Variants in CCDC77 observed in about 807,000 individuals in gnomAD.
CCDC77 encodes coiled-coil domain containing 77.
Under a neutral mutation model 66.8 loss-of-function variants are expected in CCDC77, and 56 were observed. That is an observed-to-expected ratio of 0.84 (90% confidence interval 0.68 to 1.05). CCDC77 has a LOEUF of 1.05. CCDC77 is among the 50% of genes least tolerant of loss of function. The pLI is 0.00. For missense variants in CCDC77, 570 were observed against 576.8 expected, an observed-to-expected ratio of 0.99 and a Z score of 0.12; for synonymous variants, 196 against 195.2, an observed-to-expected ratio of 1.00 and a Z score of -0.03.
chr12:417,741 C>G (rs896417088), intron 4 of CCDC77, among the ~76,000 whole-genome samples: 2 of 152,038 alleles, frequency 1.3e-5, no homozygotes, highest in Non-Finnish European at 2.9e-5. Context: ...TGGTGAAACC[C>G]CGTCTCTACT....
At chr12:435,592 G>C (rs1436155748) in intron 9 of CCDC77, among the ~76,000 whole-genome samples, 1 of 152,216 alleles carries the variant, frequency 6.6e-6, no homozygotes, top group Non-Finnish European at 1.5e-5. Flanking sequence ...GTGTTAACTT[G>C]TCAGAACTCC....
intron 3 of CCDC77, among the ~76,000 whole-genome samples, chr12:410,634 C>T (rs1008362421): frequency 2.0e-5 from 3 of 149,076 alleles, no homozygotes; most frequent in African/African-American, 7.5e-5. Flanking sequence ...TTGAACCTGC[C>T]TCCTGCGTTC....
At chr12:398,295 G>A (rs545846647), upstream of CCDC77, among the ~76,000 whole-genome samples, 1 of 152,264 alleles carries the variant, frequency 6.6e-6, no homozygotes, top group South Asian at 2.1e-4. Flanking sequence ...TAAACCCTTT[G>A]TTGTCATTTT....
chr12:422,259 T>A (rs1945413052), intron 5 of CCDC77, among the ~76,000 whole-genome samples: 1 of 151,432 alleles, frequency 6.6e-6, no homozygotes, highest in South Asian at 2.1e-4. Context: ...GTGCTGGGAG[T>A]GAGAGGGTAA....
chr12:405,976 T>C (rs956815326), intron 2 of CCDC77, among the ~76,000 whole-genome samples: 1 of 150,454 alleles, frequency 6.6e-6, no homozygotes, highest in Non-Finnish European at 1.5e-5. Context: ...TGGACTGCAA[T>C]GGCGTGATCA....
intron 1 of CCDC77, among the ~76,000 whole-genome samples, chr12:394,952 G>A (rs529947147): frequency 6.6e-6 from 1 of 152,302 alleles, no homozygotes; most frequent in Admixed American, 6.5e-5. Context: ...AGAAAGGGAA[G>A]ACAAAAGAAT....
At chr12:425,501 C>T (rs1336653470) in intron 5 of CCDC77, among the ~76,000 whole-genome samples, 1 of 151,926 alleles carries the variant, frequency 6.6e-6, no homozygotes, top group Admixed American at 6.6e-5. Flanking sequence ...ACACCGAAAG[C>T]TCGCCTTCCA....
chr12:430,578 A>G (rs1404128240), intron 6 of CCDC77, 86 bp from the exon 7 acceptor site: 11 of 937,560 alleles, frequency 1.2e-5, no homozygotes, highest in Non-Finnish European at 1.8e-5. Flanking sequence ...TTTAACTTCT[A>G]GTGTTCAATC....
Position 442,148 on chromosome 12 carries a change from T to G in CCDC77, c.*228T>G. 1 of 484,524 alleles carries G rather than the reference T, an allele frequency of 2.1e-6. No individual in the cohort carries two copies. The highest frequency in any genetic ancestry group is 3.4e-5 in the East Asian group (1 of 29,102). 30.0% of individuals were successfully genotyped at this position (484,524 alleles called of 1,614,324 possible). A position where few individuals can be genotyped will look rare whatever the true frequency, so the allele number is the denominator to read the frequency against. On this transcript the variant is annotated 3_prime_UTR_variant, in exon 13 of 13. Coordinates refer to ENST00000239830, the MANE Select transcript of CCDC77 (RefSeq NM_032358.4). ...TTAACACTTGCGAGGAGTAGGGGCC[T>G]GGTCCTGAATGACTTGGAGGCTTTC...
chr12:418,756 G>C, intron 5 of CCDC77, 120 bp downstream of exon 5: 1 of 1,121,032 alleles, frequency 8.9e-7, no homozygotes, highest in East Asian at 2.5e-5. Flanking sequence ...CTGGAGTACA[G>C]TGGCGCTCTC....
chr12:393,676 C>T (rs1439622470), intron 1 of CCDC77, among the ~76,000 whole-genome samples: 1 of 152,092 alleles, frequency 6.6e-6, no homozygotes, highest in Admixed American at 6.6e-5. Flanking sequence ...CGATTACAGG[C>T]ACCCACCACC....
At chr12:402,308 A>G (rs1243032310) in intron 1 of CCDC77, among the ~76,000 whole-genome samples, 1 of 152,216 alleles carries the variant, frequency 6.6e-6, no homozygotes. Flanking sequence ...CGATAGCAAT[A>G]AAGCACTCTA....
chr12:409,335 G>T, intron 2 of CCDC77, 33 bp from the exon 3 acceptor site: 1 of 1,513,194 alleles, frequency 6.6e-7, no homozygotes, highest in Non-Finnish European at 9.2e-7. Flanking sequence ...TCTATTCGTG[G>T]CCCGTAATTA....
rs148145161 is a variant in CCDC77 at position 429,148 on chromosome 12, A to T, written c.510+283A>T. Among the ~76,000 whole-genome samples, 850 of 152,286 alleles carry T rather than the reference A, an allele frequency of 5.6e-3. 5 individuals carry two copies. Among genetic ancestry groups the T allele is most frequent in the Non-Finnish European group, 9.0e-3 (612 of 68,018 alleles). ...AGACTATGTGTGGGAGCAAGTTTTG[A>T]TGCTTAAGTTTCTTTTTAAATCTTT... On this transcript the variant is annotated intron_variant, in intron 6 of 12. Coordinates refer to ENST00000239830, the MANE Select transcript of CCDC77 (RefSeq NM_032358.4).
At chr12:415,037 G>C (rs999958830) in intron 4 of CCDC77, among the ~76,000 whole-genome samples, 1 of 152,100 alleles carries the variant, frequency 6.6e-6, no homozygotes, top group South Asian at 2.1e-4. Flanking sequence ...ATGAATTACA[G>C]GGTAATTCAT....
chr12:405,779 G>C (rs763528296), intron 2 of CCDC77, among the ~76,000 whole-genome samples: 3 of 152,128 alleles, frequency 2.0e-5, no homozygotes, highest in Non-Finnish European at 4.4e-5. Flanking sequence ...TATACACTTA[G>C]TATGAGCCAG....
chr12:413,049 C>T (rs1172240361), intron 4 of CCDC77, among the ~76,000 whole-genome samples: 2 of 151,538 alleles, frequency 1.3e-5, no homozygotes, highest in African/African-American at 4.9e-5. Flanking sequence ...TGCCATTCTC[C>T]TGCCTCAGCC....
chr12:422,479 C>A (rs1239336474), intron 5 of CCDC77, among the ~76,000 whole-genome samples: 1 of 152,234 alleles, frequency 6.6e-6, no homozygotes. Flanking sequence ...CTTTTCGTCT[C>A]CATGAATTTG....
chr12:422,493 A>T (rs537129120), intron 5 of CCDC77, among the ~76,000 whole-genome samples: 112 of 152,324 alleles, frequency 7.4e-4, no homozygotes, highest in African/African-American at 2.6e-3. Context: ...GAATTTGACG[A>T]TTTTAGGTGC....
Sources: gnomAD v4.1 joint callset for allele counts (sites outside exome capture counted in the v4.1 genomes callset) on GRCh38, gnomAD v4.1.1 for gene constraint, MANE v1.5 for transcripts, NCBI Gene and HGNC (gene_info 2026-07-23, HGNC 2026-07-21) for gene names.